MAP3K9: variants seen among roughly 807,000 people sequenced by gnomAD.
MAP3K9 encodes mitogen-activated protein kinase kinase kinase 9.
A neutral mutation model predicts 95.8 loss-of-function variants in MAP3K9; 46 were observed. The observed-to-expected ratio is 0.48, with a 90% confidence interval of 0.38 to 0.61. The LOEUF (loss-of-function observed/expected upper bound fraction) is 0.61, where lower values mean the gene tolerates loss of function less well. Among genes scored for constraint, MAP3K9 ranks in the 20% least tolerant of loss-of-function variants. The pLI, the probability that MAP3K9 is intolerant of heterozygous loss-of-function variation, is 0.00. For synonymous variants in MAP3K9, 533 were observed against 593.8 expected (o/e 0.90, Z 1.49); for missense variants, 1,296 against 1,474.3 (o/e 0.88, Z 1.98).
chr14:70,749,057 G>T, intron 4 of MAP3K9, 53 bp from the exon 5 acceptor site: 1 of 1,551,712 alleles, frequency 6.4e-7, no homozygotes, highest in Non-Finnish European at 8.8e-7. Flanking sequence ...AAGCAAACAT[G>T]TAAGACTTAG....
chr14:70,800,615 G>A, intron 2 of MAP3K9, 52 bp downstream of exon 2: 2 of 1,565,916 alleles, frequency 1.3e-6, no homozygotes, highest in Non-Finnish European at 1.7e-6. Flanking sequence ...GACGTCGTGG[G>A]ATACAACTGC....
At chr14:70,790,617 C>T (rs563560093) in intron 2 of MAP3K9, among the ~76,000 whole-genome samples, 1 of 152,266 alleles carries the variant, frequency 6.6e-6, no homozygotes, top group South Asian at 2.1e-4. Context: ...TAATAAGAGC[C>T]CTGACCTTTT....
Position 70,798,114 on chromosome 14 carries a change from A to C in MAP3K9, c.820+2553T>G, listed in dbSNP as rs532490840. The stretch of plus-strand genomic sequence containing the variant: ...TCTCCTGAATAACAGAATGACACTC[A>C]GGTCTCTTGCCCTCTCCTACAAACA... On this transcript the variant is annotated intron_variant, in intron 2 of 11. Transcript: ENST00000554752. Among the ~76,000 whole-genome samples the C allele has an allele frequency of 2.6e-5, 4 of 152,354 alleles. 1 individual carries two copies. Among genetic ancestry groups the C allele is most frequent in the South Asian group, 2.1e-4 (1 of 4,828 alleles).
Position 70,730,637 on chromosome 14 carries a change from G to C in MAP3K9, c.3058C>G (p.Pro1020Ala), listed in dbSNP as rs1450260196. The C allele has an allele frequency of 6.2e-7, 1 of 1,613,888 alleles. No individual in the cohort carries two copies. The highest frequency in any genetic ancestry group is 1.1e-5 in the South Asian group (1 of 91,084). The change falls in exon 12 of 12, where the codon CCA (proline) becomes GCA (alanine). Residue 1020 changes from proline (P) to alanine (A), a missense_variant. Physicochemically the swap from Pro to Ala is conservative, Grantham distance 27. Transcript: ENST00000554752. ...GTCTCTGTGCTGGAGCTGTTGGCTG[G>C]GGAGGTGCTGCGGGCATGGCTGGGG... ...VSPSHARSTS[P>A]ANSSSTETPS...
At chr14:70,763,846 T>C (rs777677143) in intron 2 of MAP3K9, among the ~76,000 whole-genome samples, 12 of 151,820 alleles carry the variant, frequency 7.9e-5, no homozygotes, top group African/African-American at 1.2e-4. Context: ...TACTATACTT[T>C]TTAATCATTA....
At chr14:70,733,734 G>C (rs1453096310) in intron 10 of MAP3K9, 1 of 718,442 alleles carries the variant, frequency 1.4e-6, no homozygotes, top group African/African-American at 1.7e-5. Flanking sequence ...TGGGAGTCAG[G>C]GGGCAGGGAG....
chr14:70,749,991 G>T lies in MAP3K9; in HGVS notation c.1092C>A (p.Asn364Lys), dbSNP rs760067989. ...TAGAAGGAATAGGAAGGGCGAGTTT[G>T]TTCATGGCCACTCCATAAGCGACTG... is the stretch of plus-strand genomic sequence containing the variant. ...GLAVAYGVAM[N>K]KLALPIPSTC... Residue 364 changes from asparagine (N) to lysine (K), a missense_variant, in exon 4 of 12, where the codon AAC (asparagine) becomes AAA (lysine). Transcript: ENST00000554752. 2 of 1,614,186 alleles carry T rather than the reference G, an allele frequency of 1.2e-6. No homozygotes were observed. Among genetic ancestry groups the T allele is most frequent in the Non-Finnish European group, 8.5e-7 (1 of 1,180,044 alleles).
intron 1 of MAP3K9, among the ~76,000 whole-genome samples, chr14:70,804,734 G>A (rs1220127922): frequency 6.6e-6 from 1 of 152,178 alleles, no homozygotes; most frequent in Non-Finnish European, 1.5e-5. Flanking sequence ...GTACTAGGGT[G>A]CTGAAAGGAC....
At position 70,809,210 on chromosome 14, in the gene MAP3K9, C is replaced by A. The variant is rs1361080925; in HGVS notation, c.-39G>T. The A allele has an allele frequency of 1.6e-6, 2 of 1,280,292 alleles. No individual in the cohort carries two copies. The highest frequency in any genetic ancestry group is 2.9e-5 in the South Asian group (1 of 34,798). 79.3% of individuals were successfully genotyped at this position (1,280,292 alleles called of 1,614,324 possible). On this transcript the variant is annotated 5_prime_UTR_variant, in exon 1 of 12. Coordinates refer to ENST00000554752, the MANE Select transcript of MAP3K9 (RefSeq NM_001284230.2). ...CATAGGGTGCGGGGCCGCCGCCGCC[C>A]GCAGGAGCCGCCGCCGCCTATTGTT... is the stretch of plus-strand genomic sequence containing the variant.
intron 2 of MAP3K9, among the ~76,000 whole-genome samples, chr14:70,779,936 G>A (rs533801514): frequency 1.2e-3 from 180 of 152,350 alleles, no homozygotes; most frequent in Middle Eastern, 3.4e-3. Flanking sequence ...GACGTCAGAG[G>A]AGACAGAACG....
chr14:70,802,734 T>TGG (rs2054944444), intron 1 of MAP3K9, among the ~76,000 whole-genome samples: 1 of 152,182 alleles, frequency 6.6e-6, no homozygotes, highest in African/African-American at 2.4e-5. Context: ...CTTAATTACT[T>TGG]GTTCAATGCC....
chr14:70,733,453 A>C, intron 10 of MAP3K9, 111 bp from the exon 11 acceptor site: 1 of 612,834 alleles, frequency 1.6e-6, no homozygotes, highest in Non-Finnish European at 2.9e-6. Flanking sequence ...TCTCAGGGAC[A>C]CAAAGGTTCA....
chr14:70,788,397 T>C (rs907107297), intron 2 of MAP3K9, among the ~76,000 whole-genome samples: 1 of 152,266 alleles, frequency 6.6e-6, no homozygotes, highest in Non-Finnish European at 1.5e-5. Flanking sequence ...GAACTTCACC[T>C]AGATGATCTT....
intron 5 of MAP3K9, among the ~76,000 whole-genome samples, chr14:70,747,316 C>A (rs972733781): frequency 6.6e-6 from 1 of 152,114 alleles, no homozygotes; most frequent in Non-Finnish European, 1.5e-5. Flanking sequence ...TTAGTTCTCA[C>A]GAGATCTGAT....
chr14:70,757,991 T>C (rs978352406), intron 3 of MAP3K9, among the ~76,000 whole-genome samples: 8 of 152,166 alleles, frequency 5.3e-5, no homozygotes, highest in Non-Finnish European at 8.8e-5. Flanking sequence ...GACTTTGGAC[T>C]AGGCAATGTT....
chr14:70,775,088 G>A (rs1014188689), intron 2 of MAP3K9, among the ~76,000 whole-genome samples: 22 of 146,394 alleles, frequency 1.5e-4, no homozygotes, highest in Non-Finnish European at 2.4e-4. Flanking sequence ...TAAGCGAAAC[G>A]TTTTTCTTCA....
intron 3 of MAP3K9, among the ~76,000 whole-genome samples, chr14:70,760,478 C>A (rs1448977432): frequency 6.6e-6 from 1 of 152,088 alleles, no homozygotes; most frequent in Non-Finnish European, 1.5e-5. Context: ...ACAGATAGAG[C>A]CTTGACTAAA....
At position 70,726,817 on chromosome 14, in the gene MAP3K9, A is replaced by G. The variant is rs1173182445; in HGVS notation, c.*3563T>C. The G allele has an allele frequency of 6.6e-6, 1 of 152,262 alleles. No homozygotes were observed. The highest frequency in any genetic ancestry group is 2.4e-5 in the African/African-American group (1 of 41,456). The allele number at this position is 152,262 out of a possible 1,614,324, so 9.4% of individuals were successfully genotyped here. A position where few individuals can be genotyped will look rare whatever the true frequency, so the allele number is the denominator to read the frequency against. Reference sequence around the variant, plus strand: ...TGTATAGATGAAAGAAGCTTCCTCTAGGAGCTGGCAAGGAGCTATGGTGTT... The same window carrying G: ...TGTATAGATGAAAGAAGCTTCCTCTGGGAGCTGGCAAGGAGCTATGGTGTT... On this transcript the variant is annotated 3_prime_UTR_variant, in exon 12 of 12. Coordinates refer to ENST00000554752, the MANE Select transcript of MAP3K9 (RefSeq NM_001284230.2).
chr14:70,750,103 A>G (rs1566740604), intron 3 of MAP3K9, 22 bp from the exon 4 acceptor site: 1 of 1,613,100 alleles, frequency 6.2e-7, no homozygotes, highest in East Asian at 2.2e-5. Context: ...AAGAAGACAG[A>G]AGCCATGTAA....
Sources: gnomAD v4.1 joint callset for allele counts (sites outside exome capture counted in the v4.1 genomes callset) on GRCh38, gnomAD v4.1.1 for gene constraint, MANE v1.5 for transcripts, NCBI Gene and HGNC (gene_info 2026-07-23, HGNC 2026-07-21) for gene names.